TDRKH: variants seen among roughly 807,000 people sequenced by gnomAD.
TDRKH encodes tudor and KH domain-containing protein.
TDRKH carries 28 observed loss-of-function variants against 61.3 expected under a neutral mutation model. The ratio of observed to expected loss-of-function variants is 0.46; its 90% CI spans 0.34 to 0.63. The LOEUF is 0.63. Ranked by LOEUF, TDRKH falls within the 20% of genes least tolerant of loss-of-function variation. TDRKH has a pLI of 0.01. For missense variants in TDRKH, 540 were observed against 683.4 expected, an observed-to-expected ratio of 0.79 and a Z score of 2.34; for synonymous variants, 219 against 244.4, an observed-to-expected ratio of 0.90 and a Z score of 0.97.
intron 1 of TDRKH, among the ~76,000 whole-genome samples, chr1:151,790,077 G>C (rs1319914410): frequency 6.6e-6 from 1 of 152,206 alleles, no homozygotes; most frequent in Non-Finnish European, 1.5e-5. Flanking sequence ...GCAGCTCTCA[G>C]TCTCAAAAAG....
intron 2 of TDRKH, 54 bp from the exon 3 acceptor site, chr1:151,781,641 T>A: frequency 1.3e-6 from 2 of 1,489,560 alleles, no homozygotes; most frequent in Non-Finnish European, 1.9e-6. Context: ...AAAGCTAGTA[T>A]AACTACCAGT....
intron 3 of TDRKH, 138 bp downstream of exon 3, chr1:151,781,343 A>ATATATATT (rs1491039334): frequency 1.2e-5 from 2 of 165,570 alleles, no homozygotes; most frequent in Admixed American, 7.3e-5. Context: ...ATATATATAT[A>ATATATATT]TTTTATATAT....
chr1:151,771,257 T>C, downstream of TDRKH: 6 of 1,603,696 alleles, frequency 3.7e-6, no homozygotes, highest in Non-Finnish European at 5.1e-6. Context: ...CTGGAAGCCT[T>C]GACACATGGA....
At chr1:151,775,260 T>C in intron 10 of TDRKH, 94 bp from the exon 11 acceptor site, 1 of 1,555,616 alleles carries the variant, frequency 6.4e-7, no homozygotes, top group Non-Finnish European at 8.8e-7. Flanking sequence ...TTAAAGACAT[T>C]CCTTTGGTGA....
downstream of TDRKH, chr1:151,769,534 TC>T: frequency 5.6e-6 from 1 of 177,310 alleles, no homozygotes; most frequent in Non-Finnish European, 1.1e-5. Flanking sequence ...GTAGAGGCGC[TC>T]CCCACATCCC....
intron 4 of TDRKH, 85 bp downstream of exon 4, chr1:151,779,865 TA>T: frequency 7.1e-7 from 1 of 1,404,068 alleles, no homozygotes; most frequent in Non-Finnish European, 9.7e-7. Context: ...GAAGGGGAAC[TA>T]GGCCAGAAAA....
Position 151,774,782 on chromosome 1 carries a change from TGA to T in TDRKH, c.1559_1560del (p.Leu520GlnfsTer6), listed in dbSNP as rs778345906. 6.2e-7 allele frequency: 1 copy of T among 1,614,184 alleles called. No individual in the cohort carries two copies. On this transcript the variant is annotated frameshift_variant, in exon 12 of 13. Transcript: ENST00000368824. LOFTEE classifies it high-confidence loss of function. ...TTTTTGGTCTCAGTGAGCAACGTGC[TGA>T]GAGAGGCATCTGTTTCTGTGGCCTG... ...KDMATETDAS[L>X]STLLTETKKS...
chr1:151,774,410 C>G lies in TDRKH; in HGVS notation c.*42G>C. The G allele has an allele frequency of 6.2e-7, 1 of 1,607,710 alleles. No homozygotes were observed. The highest frequency in any genetic ancestry group is 8.5e-7 in the Non-Finnish European group (1 of 1,175,472). Reference sequence around the variant, plus strand: ...GCTACAGATAGATGATAGCTGCACTCACACAGCAAAGCAGATGGCTGAGCA... The same window carrying G: ...GCTACAGATAGATGATAGCTGCACTGACACAGCAAAGCAGATGGCTGAGCA... On this transcript the variant is annotated 3_prime_UTR_variant, in exon 13 of 13. Coordinates refer to ENST00000368824, the MANE Select transcript of TDRKH (RefSeq NM_001083965.2).
chr1:151,779,938 C>T lies in TDRKH; in HGVS notation c.421+13G>A. The T allele has an allele frequency of 6.3e-7, 1 of 1,597,358 alleles. No individual in the cohort carries two copies. The highest frequency in any genetic ancestry group is 8.6e-7 in the Non-Finnish European group (1 of 1,167,246). ...GAATAAAGGAAACAATAGAGGAAGC[C>T]ATCCAGTGGTACCTATGATTCTGCC... is the stretch of plus-strand genomic sequence containing the variant. On this transcript the variant is annotated intron_variant, in intron 4 of 12. Coordinates refer to ENST00000368824, the MANE Select transcript of TDRKH (RefSeq NM_001083965.2).
chr1:151,767,253 A>C, downstream of TDRKH: 1 of 1,614,020 alleles, frequency 6.2e-7, no homozygotes, highest in Non-Finnish European at 8.5e-7. Context: ...CAGGAGGGCA[A>C]AAGCACCGAG....
chr1:151,768,000 C>A, downstream of TDRKH: 1 of 1,599,470 alleles, frequency 6.3e-7, no homozygotes, highest in Non-Finnish European at 8.5e-7. Context: ...ACGGACACAC[C>A]CCCATCTGCC....
At chr1:151,770,014 T>C (rs1263109058), downstream of TDRKH, 4 of 1,236,318 alleles carry the variant, frequency 3.2e-6, no homozygotes, top group African/African-American at 3.0e-5. Flanking sequence ...TGAGCCGAGA[T>C]GGCAGCAGTA....
chr1:151,776,278 GGGA>G lies in TDRKH; in HGVS notation c.1045-13_1045-11del. ...CAGTCAAGTCTTCAGGCTGTATGTG[GGGA>G]GGAGGAGAAAGGCAGAGAGTTACAA... is the stretch of plus-strand genomic sequence containing the variant. On this transcript the variant is annotated splice_polypyrimidine_tract_variant and intron_variant, in intron 7 of 12. Coordinates refer to ENST00000368824, the MANE Select transcript of TDRKH (RefSeq NM_001083965.2). The G allele has an allele frequency of 4.3e-6, 7 of 1,611,650 alleles. No individual in the cohort carries two copies. The highest frequency in any genetic ancestry group is 5.9e-6 in the Non-Finnish European group (7 of 1,178,456).
intron 12 of TDRKH, 99 bp downstream of exon 12, chr1:151,774,609 TGA>T: frequency 2.5e-6 from 4 of 1,579,194 alleles, no homozygotes; most frequent in Non-Finnish European, 2.6e-6. Flanking sequence ...CTCAATGACC[TGA>T]CTAGGAACCA....
intron 1 of TDRKH, among the ~76,000 whole-genome samples, chr1:151,784,253 C>T (rs1169439189): frequency 2.0e-5 from 3 of 152,216 alleles, no homozygotes; most frequent in African/African-American, 2.4e-5. Context: ...ACAAGTTCTC[C>T]TTGCTTCTAC....
chr1:151,770,396 C>T (rs933130182), downstream of TDRKH: 10 of 1,253,536 alleles, frequency 8.0e-6, no homozygotes, highest in East Asian at 2.6e-5. Context: ...CCACCTACCA[C>T]GAAGGTGGGA....
downstream of TDRKH, chr1:151,771,973 A>T: frequency 2.5e-6 from 1 of 398,646 alleles, no homozygotes; most frequent in Non-Finnish European, 4.4e-6. Flanking sequence ...CAGCGAGTTC[A>T]TTGCAGGCAA....
In TDRKH at chr1:151,781,470, C is replaced by CA; in HGVS notation, c.231+10dup. The CA allele has an allele frequency of 2.5e-6, 4 of 1,611,390 alleles. No homozygotes were observed. The highest frequency in any genetic ancestry group is 3.4e-6 in the Non-Finnish European group (4 of 1,178,396). ...TCCTTGGGAAAGCAGACTGCCTACTCACACACTTACCTGTTTAATATTGGC... is the reference window on the plus strand; with the variant it reads ...TCCTTGGGAAAGCAGACTGCCTACTCAACACACTTACCTGTTTAATATTGGC... On this transcript the variant is annotated intron_variant, in intron 3 of 12. Coordinates refer to ENST00000368824, the MANE Select transcript of TDRKH (RefSeq NM_001083965.2).
intron 1 of TDRKH, among the ~76,000 whole-genome samples, chr1:151,786,563 T>G (rs4845355): frequency 0.4 from 60,393 of 151,996 alleles, 13,123 homozygotes; most frequent in Non-Finnish European, 0.5. Context: ...CGGAGAAGGG[T>G]AGACTACTAC....
Sources: gnomAD v4.1 joint callset for allele counts (sites outside exome capture counted in the v4.1 genomes callset) on GRCh38, gnomAD v4.1.1 for gene constraint, MANE v1.5 for transcripts, NCBI Gene and HGNC (gene_info 2026-07-23, HGNC 2026-07-21) for gene names.